Variants in MRPL45 observed in about 807,000 individuals in gnomAD.
MRPL45 encodes large ribosomal subunit protein mL45.
A neutral mutation model predicts 38.1 loss-of-function variants in MRPL45; 20 were observed. That is an observed-to-expected ratio of 0.53 (90% CI 0.37 to 0.76). The LOEUF is 0.76. Ranked by LOEUF, MRPL45 falls within the 30% of genes least tolerant of loss-of-function variation. MRPL45 has a pLI of 0.00. For synonymous variants in MRPL45, 105 were observed against 128.8 expected (o/e 0.82, Z 1.25); for missense variants, 337 against 395.6 (o/e 0.85, Z 1.26).
At chr17:38,306,728 T>C in intron 4 of MRPL45, 97 bp downstream of exon 4, 2 of 1,507,938 alleles carry the variant, frequency 1.3e-6, no homozygotes, top group Non-Finnish European at 1.8e-6. Context: ...TTTGCACAAA[T>C]TTGTTTTCTG....
At chr17:38,321,998 C>T in intron 6 of MRPL45, 128 bp from the exon 7 acceptor site, 1 of 958,136 alleles carries the variant, frequency 1.0e-6, no homozygotes, top group African/African-American at 1.7e-5. Context: ...TGCCACTGCA[C>T]TCCAGCCAGG....
At chr17:38,320,972 T>G (rs774649657) in intron 6 of MRPL45, among the ~76,000 whole-genome samples, 3 of 86,280 alleles carry the variant, frequency 3.5e-5, no homozygotes, top group Non-Finnish European at 9.8e-5. Context: ...TCTCCCACTC[T>G]TCCTGATTTT....
At position 38,322,674 on chromosome 17, in the gene MRPL45, A is replaced by G; in HGVS notation, c.*79A>G. 1 of 1,118,834 alleles carries G rather than the reference A, an allele frequency of 8.9e-7. No homozygotes were observed. The highest frequency in any genetic ancestry group is 2.1e-5 in the Admixed American group (1 of 46,516). The allele number at this position is 1,118,834 out of a possible 1,614,324, so 69.3% of individuals were successfully genotyped here. On this transcript the variant is annotated 3_prime_UTR_variant, in exon 8 of 8. Coordinates refer to ENST00000613675, the MANE Select transcript of MRPL45 (RefSeq NM_032351.6). ...TGAAGTCTCCCATTCCCCTCATGCT[A>G]TAAAAAGAACTACCTTTGTTCTCTC... is the stretch of plus-strand genomic sequence containing the variant.
chr17:38,306,623 T>A lies in MRPL45; in HGVS notation c.453T>A (p.Cys151Ter), dbSNP rs1293738206. The A allele has an allele frequency of 9.3e-6, 15 of 1,613,586 alleles. No individual in the cohort carries two copies. The highest frequency in any genetic ancestry group is 1.3e-5 in the African/African-American group (1 of 75,036). Residue 151 changes from cysteine (C) to a stop codon, truncating the protein, a stop_gained, in exon 4 of 8, where the codon TGT becomes TGA. Transcript: ENST00000613675. LOFTEE classifies it high-confidence loss of function. ...AKDIFIEAHL[C>*]LNNSDHDRLH... ...ATATCTTTATTGAAGCTCACCTTTGTCTAAATAAGTAAGTGAACTCCCTAT... is the reference window on the plus strand; with the variant it reads ...ATATCTTTATTGAAGCTCACCTTTGACTAAATAAGTAAGTGAACTCCCTAT...
chr17:38,307,126 CT>C (rs1326013788), intron 4 of MRPL45, among the ~76,000 whole-genome samples: 1 of 151,968 alleles, frequency 6.6e-6, no homozygotes, highest in Non-Finnish European at 1.5e-5. Context: ...CTCCACGTCC[CT>C]GGTTCAAGCA....
At chr17:38,297,960 C>G (rs1376209937) in intron 1 of MRPL45, among the ~76,000 whole-genome samples, 2 of 152,128 alleles carry the variant, frequency 1.3e-5, no homozygotes, top group African/African-American at 4.8e-5. Flanking sequence ...TAGCCAGATG[C>G]GATGGCGCAC....
Position 38,308,588 on chromosome 17 carries a change from G to A in MRPL45, c.461+1957G>A, listed in dbSNP as rs1033204459. ...CCCAAGTAACTGGGATTACAGGCAC[G>A]CACCACCACACCTGACTATTTTCTG... On this transcript the variant is annotated intron_variant, in intron 4 of 7. Transcript: ENST00000613675. Among the ~76,000 whole-genome samples, 5 of 151,654 alleles carry A rather than the reference G, an allele frequency of 3.3e-5. 1 individual carries two copies. The highest frequency in any genetic ancestry group is 1.3e-4 in the Admixed American group (2 of 15,196).
chr17:38,317,570 G>T (rs1397661198), intron 4 of MRPL45, among the ~76,000 whole-genome samples: 2 of 151,598 alleles, frequency 1.3e-5, no homozygotes, highest in Non-Finnish European at 2.9e-5. Context: ...TGTTTTTTTT[G>T]TTTTGTTTTG....
Position 38,305,035 on chromosome 17 carries a change from C to T in MRPL45, c.363-1498C>T, listed in dbSNP as rs369823113. Among the ~76,000 whole-genome samples the T allele has an allele frequency of 2.4e-4, 37 of 151,540 alleles. No individual in the cohort carries two copies. In the East Asian group the frequency reaches 3.0e-3, roughly 12 times the overall value. On this transcript the variant is annotated intron_variant, in intron 3 of 7. Transcript: ENST00000613675. ...CTAATTTTTTGTATTTTAGTGGAGACGGGGTTTCACCATGTTGGCCAGGAT... is the reference window on the plus strand; with the variant it reads ...CTAATTTTTTGTATTTTAGTGGAGATGGGGTTTCACCATGTTGGCCAGGAT...
Position 38,299,368 on chromosome 17 carries a change from T to C in MRPL45, c.262T>C (p.Tyr88His). 1 of 1,602,932 alleles carries C rather than the reference T, an allele frequency of 6.2e-7. No individual in the cohort carries two copies. Among genetic ancestry groups the C allele is most frequent in the Non-Finnish European group, 8.5e-7 (1 of 1,177,728 alleles). Residue 88 changes from tyrosine to histidine, a missense_variant, in exon 3 of 8, where the codon TAT becomes CAT. Coordinates refer to ENST00000613675, the MANE Select transcript of MRPL45 (RefSeq NM_032351.6). ...TATTACAGCTGGTATATTTGATGCC[T>C]ATGTTCCTCCTGAGGGTGATGCACG... ...LACTAGIFDA[Y>H]VPPEGDARIS...
At chr17:38,300,398 A>G (rs2036981841) in intron 3 of MRPL45, among the ~76,000 whole-genome samples, 2 of 152,082 alleles carry the variant, frequency 1.3e-5, no homozygotes, top group African/African-American at 4.8e-5. Flanking sequence ...TCCTGGGCTC[A>G]AGCAGTCCTC....
Position 38,320,627 on chromosome 17 carries a change from T to G in MRPL45, c.520T>G (p.Trp174Gly). The G allele has an allele frequency of 6.2e-7, 1 of 1,614,164 alleles. No homozygotes were observed. The highest frequency in any genetic ancestry group is 8.5e-7 in the Non-Finnish European group (1 of 1,180,034). Reference sequence around the variant, plus strand: ...TCTCCTTTGCCCTTAGGACATGACTTGGGACATCAAATATAAGACCGTCCG... The same window carrying G: ...TCTCCTTTGCCCTTAGGACATGACTGGGGACATCAAATATAAGACCGTCCG... ...VTEHCFPDMT[W>G]DIKYKTVRWS... Residue 174 changes from tryptophan (W) to glycine (G), a missense_variant, in exon 6 of 8, where the codon TGG becomes GGG. Around this residue, in one of 3 missense-constraint regions of MRPL45, gnomAD observed 251 missense variants for 269.1 expected, o/e 0.93. Transcript: ENST00000613675.
At chr17:38,319,534 C>G (rs149632710) in intron 5 of MRPL45, among the ~76,000 whole-genome samples, 1 of 152,216 alleles carries the variant, frequency 6.6e-6, no homozygotes, top group East Asian at 1.9e-4. Flanking sequence ...GCTGAAGGTT[C>G]ATTGCTTGTA....
chr17:38,318,802 TTTTTCTTTTC>T lies in MRPL45; in HGVS notation c.510+87_510+96del, dbSNP rs1555562664. On this transcript the variant is annotated intron_variant, in intron 5 of 7. Coordinates refer to ENST00000613675, the MANE Select transcript of MRPL45 (RefSeq NM_032351.6). The stretch of plus-strand genomic sequence containing the variant: ...GGCAGATTCTAGATGGCGTCTCTGG[TTTTTCTTTTC>T]TTTTCTTTTCTTTTCTTTTTTTTTT... 2.6e-5 allele frequency: 23 copies of T among 881,852 alleles called. No homozygotes were observed. In the African/African-American group the frequency reaches 2.9e-4, roughly 11 times the overall value. The allele number at this position is 881,852 out of a possible 1,614,324, so 54.6% of individuals were successfully genotyped here.
chr17:38,317,095 C>G (rs1463197532), intron 4 of MRPL45, among the ~76,000 whole-genome samples: 1 of 152,088 alleles, frequency 6.6e-6, no homozygotes, highest in Non-Finnish European at 1.5e-5. Context: ...CGCACCCGGC[C>G]CATAAATCCA....
At chr17:38,313,517 C>T (rs1415528278) in intron 4 of MRPL45, among the ~76,000 whole-genome samples, 1 of 150,214 alleles carries the variant, frequency 6.7e-6, no homozygotes, top group East Asian at 1.9e-4. Context: ...CCACCATGCC[C>T]AGCCTTTTTC....
In MRPL45 at chr17:38,320,763, G is replaced by A. The variant is rs781217215; in HGVS notation, c.656G>A (p.Arg219Gln). 32 of 1,613,682 alleles carry A rather than the reference G, an allele frequency of 2.0e-5. No homozygotes were observed. Among genetic ancestry groups the A allele is most frequent in the Admixed American group, 6.7e-5 (4 of 59,978 alleles). The part of the protein sequence containing the change: ...YGQITVRMHT[R>Q]QTLAIYDRFG... The stretch of plus-strand genomic sequence containing the variant: ...CAGATCACCGTACGCATGCACACCC[G>A]GCAGGTAGAGGCACTCGTCTGCCTT... The change falls in exon 6 of 8, where the codon CGG (arginine) becomes CAG (glutamine). Residue 219 changes from arginine (R) to glutamine (Q), a missense_variant. Around this residue, in one of 3 missense-constraint regions of MRPL45, gnomAD observed 251 missense variants for 269.1 expected, o/e 0.93. Transcript: ENST00000613675.
At position 38,305,044 on chromosome 17, in the gene MRPL45, A is replaced by G. The variant is rs190451913; in HGVS notation, c.363-1489A>G. ...TGTATTTTAGTGGAGACGGGGTTTC[A>G]CCATGTTGGCCAGGATGATCTCGAG... On this transcript the variant is annotated intron_variant, in intron 3 of 7. Transcript: ENST00000613675. Among the ~76,000 whole-genome samples, 1,202 of 149,440 alleles carry G rather than the reference A, an allele frequency of 8.0e-3. 21 individuals are homozygous for G. Among genetic ancestry groups the G allele is most frequent in the African/African-American group, 0.028 (1,139 of 40,704 alleles).
At chr17:38,298,019 C>T (rs1166183221) in intron 1 of MRPL45, among the ~76,000 whole-genome samples, 1 of 152,168 alleles carries the variant, frequency 6.6e-6, no homozygotes, top group Non-Finnish European at 1.5e-5. Flanking sequence ...ATAGCTAGAG[C>T]CCAGGAGGTC....
Sources: allele counts gnomAD v4.1 joint callset (sites outside exome capture counted in the v4.1 genomes callset), GRCh38; gene constraint gnomAD v4.1.1; regional missense constraint gnomAD v4.1.1; transcripts MANE v1.5; gene names NCBI Gene and HGNC (gene_info 2026-07-23, HGNC 2026-07-21).